The following SCARB1 variants were observed in gnomAD, a reference collection of about 807,000 sequenced individuals.
SCARB1 encodes scavenger receptor class B member 1.
Under a neutral mutation model 57.2 loss-of-function variants are expected in SCARB1, and 30 were observed. That is an observed-to-expected ratio of 0.52 (90% CI 0.39 to 0.71). The LOEUF (loss-of-function observed/expected upper bound fraction) is 0.71. Ranked by LOEUF, SCARB1 falls within the 30% of genes least tolerant of loss-of-function variation. The pLI, the probability that SCARB1 is intolerant of heterozygous loss-of-function variation, is 0.00. For synonymous variants in SCARB1, 249 were observed against 268.3 expected (o/e 0.93, Z 0.70); for missense variants, 543 against 671.2 (o/e 0.81, Z 2.11).
intron 1 of SCARB1, among the ~76,000 whole-genome samples, chr12:124,831,509 A>C (rs11057840): frequency 0.16 from 24,106 of 152,132 alleles, 2,047 homozygotes; most frequent in Middle Eastern, 0.26. Context: ...ACCTACAGCC[A>C]CCAAGGCCCA....
chr12:124,851,368 G>A (rs1298341761), intron 1 of SCARB1, among the ~76,000 whole-genome samples: 1 of 151,954 alleles, frequency 6.6e-6, no homozygotes, highest in African/African-American at 2.4e-5. Context: ...AGAACAGCAG[G>A]GTCACAAGAA....
Position 124,837,472 on chromosome 12 carries a change from AAAGGAAGG to A in SCARB1, c.127-19773_127-19766del, listed in dbSNP as rs199725164. On this transcript the variant is annotated intron_variant, in intron 1 of 12. Transcript: ENST00000261693. ...GAAAGAAAGAAGGAAAGAAAGAAAG[AAAGGAAGG>A]AAGGAAGGAAGGAAGGAAGGAAGGG... is the stretch of plus-strand genomic sequence containing the variant. 1.3e-3 allele frequency among the ~76,000 whole-genome samples: 98 copies of A among 72,598 alleles called. 5 individuals are homozygous for A. The highest frequency in any genetic ancestry group is 8.6e-3 in the Middle Eastern group (1 of 116). 47.6% of individuals were successfully genotyped at this position (72,598 alleles called of 152,430 possible).
intron 1 of SCARB1, among the ~76,000 whole-genome samples, chr12:124,861,013 C>T (rs1441253251): frequency 1.3e-5 from 2 of 152,162 alleles, no homozygotes; most frequent in Non-Finnish European, 2.9e-5. Flanking sequence ...GAAAGATCCA[C>T]ATCAATGATG....
Position 124,807,932 on chromosome 12 carries a change from A to C in SCARB1, c.843-5T>G. 6.2e-7 allele frequency: 1 copy of C among 1,614,020 alleles called. No homozygotes were observed. ...TTGTACATTAGCTTCATGGATCTGC[A>C]GGGGACAGACAGGATGAGAGGGGAC... On this transcript the variant is annotated splice_polypyrimidine_tract_variant and splice_region_variant and intron_variant, in intron 6 of 12. Coordinates refer to ENST00000261693, the MANE Select transcript of SCARB1 (RefSeq NM_005505.5). This position sits in a 1 kb window ranked among gnomAD's most constrained non-coding sequence, Gnocchi z 5.3.
intron 2 of SCARB1, among the ~76,000 whole-genome samples, chr12:124,816,381 A>C (rs896809541): frequency 2.0e-5 from 3 of 152,222 alleles, no homozygotes; most frequent in Admixed American, 1.3e-4. Flanking sequence ...ATTTTTGCCC[A>C]TTCTGTCCAC....
chr12:124,789,207 A>C lies in SCARB1; in HGVS notation c.1203-1750T>G, dbSNP rs1433561346. ...TACAGTATGTTGACGGAATGTACCC[A>C]AGATGCTCTGAAACTGGAACTTTCT... On this transcript the variant is annotated intron_variant, in intron 9 of 12. Coordinates refer to ENST00000261693, the MANE Select transcript of SCARB1 (RefSeq NM_005505.5). The surrounding 1 kb of genome is among the most constrained non-coding windows in gnomAD (Gnocchi z 4.4). 2.0e-5 allele frequency among the ~76,000 whole-genome samples: 3 copies of C among 152,216 alleles called. No homozygotes were observed. Among genetic ancestry groups the C allele is most frequent in the African/African-American group, 7.2e-5 (3 of 41,458 alleles).
At chr12:124,803,303 G>C (rs1950197573) in intron 7 of SCARB1, among the ~76,000 whole-genome samples, 1 of 152,198 alleles carries the variant, frequency 6.6e-6, no homozygotes, top group Non-Finnish European at 1.5e-5. Context: ...TGTCAGCCAG[G>C]CGCAGCGGTT....
At chr12:124,808,683 C>T (rs1950408648) in intron 6 of SCARB1, among the ~76,000 whole-genome samples, 1 of 152,208 alleles carries the variant, frequency 6.6e-6, no homozygotes, top group Admixed American at 6.5e-5. Context: ...CTCAAAAGCA[C>T]TTCTGAACTT....
chr12:124,801,807 A>G (rs1025924184), intron 7 of SCARB1, among the ~76,000 whole-genome samples: 1 of 151,498 alleles, frequency 6.6e-6, no homozygotes. Flanking sequence ...GATTGCACCA[A>G]TGCACTCCAG....
chr12:124,848,145 A>G (rs1390272217), intron 1 of SCARB1, among the ~76,000 whole-genome samples: 2 of 152,166 alleles, frequency 1.3e-5, no homozygotes, highest in Non-Finnish European at 2.9e-5. Flanking sequence ...GTGCAGTGGC[A>G]CGATCTCGGC....
chr12:124,856,074 C>T (rs958540750), intron 1 of SCARB1, among the ~76,000 whole-genome samples: 6 of 152,252 alleles, frequency 3.9e-5, no homozygotes, highest in Admixed American at 2.0e-4. Context: ...CAAGTACCGG[C>T]CATTCCGGGA....
intron 1 of SCARB1, among the ~76,000 whole-genome samples, chr12:124,820,394 G>T (rs1950905423): frequency 6.6e-6 from 1 of 152,102 alleles, no homozygotes; most frequent in Non-Finnish European, 1.5e-5. Context: ...AGGTCTTCCT[G>T]GGGGAGGTGG....
intron 1 of SCARB1, among the ~76,000 whole-genome samples, chr12:124,851,782 T>C (rs899334697): frequency 1.3e-5 from 2 of 151,838 alleles, no homozygotes; most frequent in African/African-American, 4.8e-5. Context: ...AATTTTTGTG[T>C]TTTTAGTAGA....
At chr12:124,778,920 C>A (rs1372104439) in intron 12 of SCARB1, among the ~76,000 whole-genome samples, 1 of 152,162 alleles carries the variant, frequency 6.6e-6, no homozygotes, top group Non-Finnish European at 1.5e-5. Context: ...CAAGCTCTGT[C>A]CCTCAGGAGG....
In SCARB1 at chr12:124,814,297, T is replaced by C. The variant is rs1950615425; in HGVS notation, c.535A>G (p.Ile179Val). Residue 179 changes from isoleucine (I) to valine (V), a missense_variant, in exon 4 of 13, where the codon ATC becomes GTC. Coordinates refer to ENST00000261693, the MANE Select transcript of SCARB1 (RefSeq NM_005505.5). The surrounding 1 kb of genome is among the most constrained non-coding windows in gnomAD (Gnocchi z 4.7). ...RAFMNRTVGE[I>V]MWGYKDPLVN... ...AGGGGGTCCTTGTAGCCCCACATGA[T>C]CTCACCCACAGTGCGGTTCATGAAG... 1.2e-6 allele frequency: 2 copies of C among 1,614,206 alleles called. No individual in the cohort carries two copies. The highest frequency in any genetic ancestry group is 1.7e-6 in the Non-Finnish European group (2 of 1,180,018).
chr12:124,832,724 T>C (rs1361481191), intron 1 of SCARB1, among the ~76,000 whole-genome samples: 1 of 152,198 alleles, frequency 6.6e-6, no homozygotes, highest in Non-Finnish European at 1.5e-5. Context: ...AAAGTTCACA[T>C]ATTAACACAA....
chr12:124,798,032 G>A lies in SCARB1; in HGVS notation c.1128+2092C>T, dbSNP rs1397389779. Reference sequence around the variant, plus strand: ...CCCATGTACGCTGTGGCCAAGATACGGAATCAAGCGAAGTGTCCGTCAGTG... The same window carrying A: ...CCCATGTACGCTGTGGCCAAGATACAGAATCAAGCGAAGTGTCCGTCAGTG... On this transcript the variant is annotated intron_variant, in intron 8 of 12. Transcript: ENST00000261693. 2.0e-5 allele frequency among the ~76,000 whole-genome samples: 3 copies of A among 152,230 alleles called. 1 individual carries two copies. The highest frequency in any genetic ancestry group is 4.1e-4 in the South Asian group (2 of 4,828).
chr12:124,817,750 G>A lies in SCARB1; in HGVS notation c.127-43C>T. On this transcript the variant is annotated intron_variant, in intron 1 of 12. Coordinates refer to ENST00000261693, the MANE Select transcript of SCARB1 (RefSeq NM_005505.5). The surrounding 1 kb of genome is among the most constrained non-coding windows in gnomAD (Gnocchi z 4.8). ...AGTACGCTTGTGAGGAGAGTGATGA[G>A]GGCCCCACGCCCCACCACAAGGCTC... 5 of 1,610,124 alleles carry A rather than the reference G, an allele frequency of 3.1e-6. No individual in the cohort carries two copies. Among genetic ancestry groups the A allele is most frequent in the Non-Finnish European group, 4.2e-6 (5 of 1,176,662 alleles).
chr12:124,779,090 A>G (rs953173586), intron 12 of SCARB1, among the ~76,000 whole-genome samples: 4 of 151,886 alleles, frequency 2.6e-5, no homozygotes, highest in African/African-American at 9.7e-5. Flanking sequence ...GGCCGGGACA[A>G]TGACACGTGC....
Sources: gnomAD v4.1 joint callset for allele counts (sites outside exome capture counted in the v4.1 genomes callset) on GRCh38, gnomAD v4.1.1 for gene constraint, Gnocchi (gnomAD v3.1) non-coding constraint, MANE v1.5 for transcripts, NCBI Gene and HGNC (gene_info 2026-07-23, HGNC 2026-07-21) for gene names.